PRDM15: variants seen among roughly 807,000 people sequenced by gnomAD.
The protein encoded by PRDM15 is PR domain zinc finger protein 15.
A neutral mutation model predicts 128.6 loss-of-function variants in PRDM15; 64 were observed. The observed-to-expected ratio is 0.50, with a 90% CI of 0.41 to 0.61. PRDM15 has a LOEUF of 0.61. Ranked by LOEUF, PRDM15 falls within the 20% of genes least tolerant of loss-of-function variation. The pLI, the probability that PRDM15 is intolerant of heterozygous loss-of-function variation, is 0.00. For synonymous variants in PRDM15, 615 were observed against 621.8 expected, an observed-to-expected ratio of 0.99 and a Z score of 0.16; for missense variants, 1,242 against 1,569.1, an observed-to-expected ratio of 0.79 and a Z score of 3.52.
At chr21:41,872,753 C>T (rs2064259237) in intron 1 of PRDM15, among the ~76,000 whole-genome samples, 1 of 152,122 alleles carries the variant, frequency 6.6e-6, no homozygotes, top group African/African-American at 2.4e-5. Flanking sequence ...TGGTGAGGGC[C>T]AAAGAGAGCA....
intron 3 of PRDM15, among the ~76,000 whole-genome samples, chr21:41,858,655 G>A (rs2063715769): frequency 6.6e-6 from 1 of 152,250 alleles, no homozygotes; most frequent in African/African-American, 2.4e-5. Context: ...CGGGCAGGAG[G>A]CCGCTGAGAC....
chr21:41,838,061 G>A lies in PRDM15; in HGVS notation c.874C>T (p.Gln292Ter), dbSNP rs2062955217. Reference protein sequence around the residue: ...VIVEDKEPTEQVAEIITEVPP... With the variant: ...VIVEDKEPTE ...ACCTCGGTAATGATCTCTGCCACTT[G>A]CTCTGTACGAAGGGGATGTGACAAG... is the stretch of plus-strand genomic sequence containing the variant. Residue 292 changes from glutamine (Q) to a stop codon, truncating the protein, a stop_gained and splice_region_variant, in exon 8 of 24, where the codon CAA (glutamine) becomes TAA (stop). Transcript: ENST00000398548. LOFTEE classifies it high-confidence loss of function. 2 of 1,613,778 alleles carry A rather than the reference G, an allele frequency of 1.2e-6. No homozygotes were observed.
At chr21:41,812,131 G>A (rs977701383) in intron 19 of PRDM15, 1 of 152,198 alleles carries the variant, frequency 6.6e-6, no homozygotes, top group African/African-American at 2.4e-5. Context: ...CACCTTCCAA[G>A]GGAGGGGCCT....
At chr21:41,819,761 A>G in intron 17 of PRDM15, 60 bp from the exon 18 acceptor site, 1 of 1,547,352 alleles carries the variant, frequency 6.5e-7, no homozygotes. Flanking sequence ...GTGGCTGCAA[A>G]GAGGATGCAC....
intron 1 of PRDM15, among the ~76,000 whole-genome samples, chr21:41,868,983 C>T (rs533465296): frequency 2.0e-5 from 3 of 152,230 alleles, no homozygotes; most frequent in Admixed American, 6.5e-5. Flanking sequence ...CCACTGCGCC[C>T]GGCCCTCTTG....
intron 5 of PRDM15, among the ~76,000 whole-genome samples, chr21:41,849,537 C>A (rs2063364737): frequency 6.6e-6 from 1 of 151,746 alleles, no homozygotes; most frequent in Non-Finnish European, 1.5e-5. Context: ...CACTGCACTC[C>A]AGCCTGGGCG....
intron 5 of PRDM15, among the ~76,000 whole-genome samples, chr21:41,850,061 T>A (rs964701250): frequency 6.6e-6 from 1 of 152,282 alleles, no homozygotes; most frequent in African/African-American, 2.4e-5. Context: ...AAAATGTGTT[T>A]GTATTTTACT....
rs373744478 is a variant in PRDM15 at position 41,869,626 on chromosome 21, A to G, written c.-9-9254T>C. Among the ~76,000 whole-genome samples, 5 of 152,144 alleles carry G rather than the reference A, an allele frequency of 3.3e-5. No homozygotes were observed. The East Asian group carries it at 9.7e-4, about 29-fold the overall frequency. Reference sequence around the variant, plus strand: ...CACGCCTGGCTAATTTTGCATTTTTAGTAGAGACGGGGTTTCTCCATGTTG... The same window carrying G: ...CACGCCTGGCTAATTTTGCATTTTTGGTAGAGACGGGGTTTCTCCATGTTG... On this transcript the variant is annotated intron_variant, in intron 1 of 23. Transcript: ENST00000398548.
rs542080761 is a variant in PRDM15 at position 41,799,309 on chromosome 21, G to A, written c.*1931C>T. The A allele has an allele frequency of 5.1e-4, 77 of 152,314 alleles. No homozygotes were observed. The highest frequency in any genetic ancestry group is 1.8e-3 in the African/African-American group (73 of 41,574). The allele number at this position is 152,314 out of a possible 1,614,324, so 9.4% of individuals were successfully genotyped here. A position where few individuals can be genotyped will look rare whatever the true frequency, so the allele number is the denominator to read the frequency against. ...ATCTTAGGAGCCCTGGTCTCCTGCT[G>A]ATTCCATGGATGCCTGGAGCACTTG... On this transcript the variant is annotated 3_prime_UTR_variant, in exon 24 of 24. Coordinates refer to ENST00000398548, the MANE Select transcript of PRDM15 (RefSeq NM_001040424.3).
rs139696126 is a variant in PRDM15 at position 41,869,510 on chromosome 21, G to A, written c.-9-9138C>T. 6.0e-3 allele frequency among the ~76,000 whole-genome samples: 906 copies of A among 150,774 alleles called. 5 individuals are homozygous for A. The highest frequency in any genetic ancestry group is 8.8e-3 in the Non-Finnish European group (596 of 67,786). ...TGCCCAGGCTGGGGTCCAATGGTGC[G>A]ATCTCGGCTCACCACAACCTCCGCC... On this transcript the variant is annotated intron_variant, in intron 1 of 23. Transcript: ENST00000398548.
chr21:41,852,737 C>T (rs1332232458), intron 5 of PRDM15, among the ~76,000 whole-genome samples: 1 of 152,236 alleles, frequency 6.6e-6, no homozygotes, highest in East Asian at 1.9e-4. Flanking sequence ...CCAACCCTCC[C>T]CAGCAGCATC....
chr21:41,827,280 T>C (rs778248726), intron 12 of PRDM15, among the ~76,000 whole-genome samples: 10 of 152,334 alleles, frequency 6.6e-5, no homozygotes, highest in Middle Eastern at 3.4e-3. Flanking sequence ...CAGGATGCAA[T>C]TCCAGCCTTG....
intron 4 of PRDM15, 143 bp downstream of exon 4, chr21:41,857,033 A>G: frequency 5.6e-6 from 4 of 716,776 alleles, no homozygotes; most frequent in Non-Finnish European, 9.4e-6. Context: ...TTTTCTTGGA[A>G]ATTAAGCAGA....
chr21:41,840,668 G>A (rs1425577742), intron 6 of PRDM15, among the ~76,000 whole-genome samples: 1 of 151,656 alleles, frequency 6.6e-6, no homozygotes, highest in African/African-American at 2.4e-5. Context: ...AAGCCATCAG[G>A]GCGTCAGCAG....
At chr21:41,842,029 T>C (rs1234760938) in intron 6 of PRDM15, among the ~76,000 whole-genome samples, 1 of 152,150 alleles carries the variant, frequency 6.6e-6, no homozygotes, top group Non-Finnish European at 1.5e-5. Flanking sequence ...AGTAATGAGT[T>C]AAGCATCCAA....
chr21:41,818,315 T>C (rs558487068), intron 18 of PRDM15, among the ~76,000 whole-genome samples: 4 of 152,304 alleles, frequency 2.6e-5, no homozygotes, highest in South Asian at 2.1e-4. Flanking sequence ...AGGCAGACAT[T>C]GCTACTGACA....
intron 1 of PRDM15, among the ~76,000 whole-genome samples, chr21:41,867,916 G>T (rs140798254): frequency 0.035 from 5,260 of 152,182 alleles, 130 homozygotes; most frequent in Middle Eastern, 0.082. Context: ...AATTAGCCAG[G>T]TGTGGTGGTG....
chr21:41,859,574 C>G lies in PRDM15; in HGVS notation c.131+18G>C, dbSNP rs765943993. The G allele has an allele frequency of 4.4e-6, 7 of 1,608,100 alleles. No homozygotes were observed. The highest frequency in any genetic ancestry group is 6.0e-6 in the Non-Finnish European group (7 of 1,175,042). Reference sequence around the variant, plus strand: ...AGCTGGCATATGGAAGGCCCGGGAGCTCACGGCGGTCACTCACCTTGCCCT... The same window carrying G: ...AGCTGGCATATGGAAGGCCCGGGAGGTCACGGCGGTCACTCACCTTGCCCT... On this transcript the variant is annotated intron_variant, in intron 3 of 23. Coordinates refer to ENST00000398548, the MANE Select transcript of PRDM15 (RefSeq NM_001040424.3). This position sits in a 1 kb window ranked among gnomAD's most constrained non-coding sequence, Gnocchi z 5.3.
intron 18 of PRDM15, among the ~76,000 whole-genome samples, chr21:41,818,455 C>CTTTTTT (rs35158361): frequency 5.3e-5 from 8 of 151,298 alleles, no homozygotes; most frequent in Non-Finnish European, 1.2e-4. Flanking sequence ...GCATGCGCTG[C>CTTTTTT]TTTTTTAATA....
Sources: allele counts gnomAD v4.1 joint callset (sites outside exome capture counted in the v4.1 genomes callset), GRCh38; gene constraint gnomAD v4.1.1; non-coding constraint Gnocchi (gnomAD v3.1); transcripts MANE v1.5; gene names NCBI Gene and HGNC (gene_info 2026-07-23, HGNC 2026-07-21).